The following PTCHD4 variants were observed in gnomAD, a reference collection of about 807,000 sequenced individuals.
The protein encoded by PTCHD4 is patched domain containing 4.
In PTCHD4, 33 loss-of-function variants were observed where a neutral mutation model predicts 58.1. That is an observed-to-expected ratio of 0.57 (90% CI 0.43 to 0.76). The LOEUF (loss-of-function observed/expected upper bound fraction) is 0.76, where lower values mean the gene tolerates loss of function less well. Ranked by LOEUF, PTCHD4 falls within the 30% of genes least tolerant of loss-of-function variation. The pLI is 0.00. For synonymous variants in PTCHD4, 478 were observed against 409.6 expected, an observed-to-expected ratio of 1.17 and a Z score of -2.02; for missense variants, 1,058 against 1,027.1, an observed-to-expected ratio of 1.03 and a Z score of -0.41.
Position 47,977,646 on chromosome 6 carries a change from G to A in PTCHD4, c.898+30988C>T, listed in dbSNP as rs1250250544. Among the ~76,000 whole-genome samples the A allele has an allele frequency of 2.0e-5, 3 of 152,154 alleles. No homozygotes were observed. The East Asian group carries it at 5.8e-4, about 29-fold the overall frequency. On this transcript the variant is annotated intron_variant, in intron 4 of 4. Coordinates refer to ENST00000339488, the MANE Select transcript of PTCHD4 (RefSeq NM_001384253.1). ...GAAACTTTAGATTATAATTGCTATT[G>A]TTTTATGCAAGTAAATCATAGGATA... is the stretch of plus-strand genomic sequence containing the variant.
At chr6:47,890,033 G>GTA (rs1247288874) in intron 4 of PTCHD4, among the ~76,000 whole-genome samples, 92 of 150,834 alleles carry the variant, frequency 6.1e-4, no homozygotes, top group East Asian at 3.5e-3. Context: ...GTGTATGTGT[G>GTA]TATATATATA....
intron 4 of PTCHD4, among the ~76,000 whole-genome samples, chr6:47,994,904 A>G (rs1489400561): frequency 1.3e-5 from 2 of 152,190 alleles, no homozygotes. Context: ...AAGAATTAGA[A>G]TGGACAAAGG....
intron 1 of PTCHD4, among the ~76,000 whole-genome samples, chr6:48,083,581 A>G (rs943548748): frequency 6.6e-6 from 1 of 152,202 alleles, no homozygotes; most frequent in Non-Finnish European, 1.5e-5. Flanking sequence ...AAGATTTACC[A>G]GAATTATTCA....
At chr6:47,999,840 T>C (rs905151223) in intron 4 of PTCHD4, among the ~76,000 whole-genome samples, 2 of 152,182 alleles carry the variant, frequency 1.3e-5, no homozygotes, top group Non-Finnish European at 2.9e-5. Context: ...AGAACCATAA[T>C]ATTTCAACTT....
rs367594403 is a variant in PTCHD4 at position 48,110,631 on chromosome 6, C to CCACA, written c.-970+414_-970+417dup. On this transcript the variant is annotated intron_variant, in intron 1 of 4. Transcript: ENST00000339488. ...GCTGAGTAGAGTCCAGATGGTTTTA[C>CCACA]CACACACACACACACACACACACAC... 2.8e-3 allele frequency among the ~76,000 whole-genome samples: 388 copies of CCACA among 139,316 alleles called. 1 individual carries two copies. The highest frequency in any genetic ancestry group is 8.0e-3 in the East Asian group (38 of 4,736). 91.4% of individuals were successfully genotyped at this position (139,316 alleles called of 152,430 possible).
At chr6:47,949,690 C>T (rs554165893) in intron 4 of PTCHD4, among the ~76,000 whole-genome samples, 4 of 152,122 alleles carry the variant, frequency 2.6e-5, no homozygotes, top group Non-Finnish European at 5.9e-5. Flanking sequence ...CTCCTCCTTT[C>T]TTTGATCCTT....
intron 3 of PTCHD4, among the ~76,000 whole-genome samples, chr6:48,009,668 G>A (rs1472647797): frequency 3.3e-5 from 5 of 152,128 alleles, no homozygotes; most frequent in African/African-American, 1.2e-4. Flanking sequence ...CCGAAGAGCA[G>A]TACAAAAAAT....
chr6:47,885,729 T>C (rs2114111715), intron 4 of PTCHD4, among the ~76,000 whole-genome samples: 1 of 152,332 alleles, frequency 6.6e-6, no homozygotes, highest in South Asian at 2.1e-4. Flanking sequence ...AAACTCCTAC[T>C]CTTCTAATGT....
chr6:48,004,368 C>T (rs1281523296), intron 4 of PTCHD4, among the ~76,000 whole-genome samples: 1 of 152,090 alleles, frequency 6.6e-6, no homozygotes, highest in African/African-American at 2.4e-5. Context: ...TAATAGTGAT[C>T]CGAGGCTACT....
intron 1 of PTCHD4, among the ~76,000 whole-genome samples, chr6:48,110,650 C>CACACACACACAT (rs1165647220): frequency 2.6e-5 from 4 of 151,218 alleles, no homozygotes; most frequent in Non-Finnish European, 5.9e-5. Flanking sequence ...CACACACACA[C>CACACACACACAT]ACACACACAC....
At position 48,069,122 on chromosome 6, in the gene PTCHD4, C is replaced by G. The variant is rs1429076003; in HGVS notation, c.-165G>C. On this transcript the variant is annotated 5_prime_UTR_variant, in exon 2 of 5. Transcript: ENST00000339488. Reference sequence around the variant, plus strand: ...CCATGTGCCTCGGTGTTGTAAGAAGCAGACATGTGCCCCATAAAGGGGGGG... The same window carrying G: ...CCATGTGCCTCGGTGTTGTAAGAAGGAGACATGTGCCCCATAAAGGGGGGG... Among the ~76,000 whole-genome samples the G allele has an allele frequency of 8.3e-6, 1 of 119,972 alleles. No homozygotes were observed. Among genetic ancestry groups the G allele is most frequent in the African/African-American group, 3.4e-5 (1 of 29,412 alleles). 78.7% of individuals were successfully genotyped at this position (119,972 alleles called of 152,430 possible).
At chr6:48,100,721 G>A (rs865841689) in intron 1 of PTCHD4, among the ~76,000 whole-genome samples, 3 of 152,152 alleles carry the variant, frequency 2.0e-5, no homozygotes, top group Non-Finnish European at 4.4e-5. Context: ...ATATTCTGTC[G>A]ACACGGAGGG....
At chr6:48,072,344 C>T (rs1276252565) in intron 1 of PTCHD4, among the ~76,000 whole-genome samples, 1 of 152,100 alleles carries the variant, frequency 6.6e-6, no homozygotes, top group Non-Finnish European at 1.5e-5. Flanking sequence ...TTTGAAAATA[C>T]TTTCTTGCTT....
rs956467887 is a variant in PTCHD4 at position 47,867,361 on chromosome 6, A to T, written c.*10942T>A. On this transcript the variant is annotated 3_prime_UTR_variant, in exon 5 of 5. Transcript: ENST00000339488. ...GCAAGAGAGATTATAAATTTATGTG[A>T]TATTGCTCAGTTTTGGGATCCTTGA... Among the ~76,000 whole-genome samples the T allele has an allele frequency of 3.3e-5, 5 of 151,806 alleles. No individual in the cohort carries two copies. Among genetic ancestry groups the T allele is most frequent in the African/African-American group, 4.8e-5 (2 of 41,384 alleles).
chr6:48,069,189 T>TGGG lies in PTCHD4; in HGVS notation c.-233_-232insCCC, dbSNP rs1764920443. On this transcript the variant is annotated 5_prime_UTR_variant, in exon 2 of 5. Transcript: ENST00000339488. ...GAGGAGGGAGAAGGGCGGGAGCACG[T>TGGG]TGGGGGTGGGGGGGCAGATAAGCTT... Among the ~76,000 whole-genome samples, 1 of 35,952 alleles carries TGGG rather than the reference T, an allele frequency of 2.8e-5. No individual in the cohort carries two copies. Among genetic ancestry groups the TGGG allele is most frequent in the Non-Finnish European group, 5.1e-5 (1 of 19,700 alleles). The allele number at this position is 35,952 out of a possible 152,430, so 23.6% of individuals were successfully genotyped here. A position where few individuals can be genotyped will look rare whatever the true frequency, so the allele number is the denominator to read the frequency against.
chr6:47,962,161 T>C (rs981199582), intron 4 of PTCHD4, among the ~76,000 whole-genome samples: 7 of 152,182 alleles, frequency 4.6e-5, no homozygotes, highest in African/African-American at 1.4e-4. Context: ...ACGTTTTGTA[T>C]AATATGAAAG....
At chr6:48,075,769 GA>G (rs1489148081) in intron 1 of PTCHD4, among the ~76,000 whole-genome samples, 1 of 152,140 alleles carries the variant, frequency 6.6e-6, no homozygotes, top group Non-Finnish European at 1.5e-5. Flanking sequence ...CTTTATTGCT[GA>G]AAATGCTAAT....
At chr6:47,999,333 G>A (rs1337912067) in intron 4 of PTCHD4, among the ~76,000 whole-genome samples, 13 of 152,126 alleles carry the variant, frequency 8.5e-5, no homozygotes, top group Non-Finnish European at 1.2e-4. Flanking sequence ...TTTTTCAAAA[G>A]AGGTGACTGT....
chr6:47,880,955 A>C (rs1399060422), intron 4 of PTCHD4, among the ~76,000 whole-genome samples: 1 of 152,158 alleles, frequency 6.6e-6, no homozygotes, highest in Admixed American at 6.6e-5. Flanking sequence ...ATGACCATCC[A>C]TAATATATCA....
Sources: allele counts gnomAD v4.1 joint callset (sites outside exome capture counted in the v4.1 genomes callset), GRCh38; gene constraint gnomAD v4.1.1; transcripts MANE v1.5; gene names NCBI Gene and HGNC (gene_info 2026-07-23, HGNC 2026-07-21).